The following PTPRD variants were observed in gnomAD, a reference collection of about 807,000 sequenced individuals.
PTPRD encodes protein tyrosine phosphatase receptor type D.
Under a neutral mutation model 214.5 loss-of-function variants are expected in PTPRD, and 34 were observed. That is an observed-to-expected ratio of 0.16 (90% CI 0.12 to 0.21). The LOEUF is 0.21. Among genes scored for constraint, PTPRD ranks in the 10% least tolerant of loss-of-function variants. The probability of loss-of-function intolerance (pLI) is 1.00; values close to 1 mark genes in which losing one functional copy is unlikely to be tolerated. For missense variants in PTPRD, 2,545 were observed against 2,398.7 expected, an observed-to-expected ratio of 1.06 and a Z score of -1.27; for synonymous variants, 1,128 against 845.7, an observed-to-expected ratio of 1.33 and a Z score of -5.79.
intron 8 of PTPRD, among the ~76,000 whole-genome samples, chr9:9,551,896 T>C (rs910372687): frequency 2.0e-5 from 3 of 151,858 alleles, no homozygotes; most frequent in African/African-American, 7.3e-5. Context: ...CTCAGTGAGT[T>C]TGAATTAAAG....
In PTPRD at chr9:10,612,449, C is replaced by G. The variant is rs1217700361; in HGVS notation, c.-651G>C. ...GAAACCCTGAGGAGTCTTCTCTTTTCTTTCCTACCAGTCAAATAAAGAATT... is the reference window on the plus strand; with the variant it reads ...GAAACCCTGAGGAGTCTTCTCTTTTGTTTCCTACCAGTCAAATAAAGAATT... On this transcript the variant is annotated 5_prime_UTR_variant, in exon 2 of 46. Transcript: ENST00000381196. 6.6e-6 allele frequency: 1 copy of G among 152,292 alleles called. No individual in the cohort carries two copies. The highest frequency in any genetic ancestry group is 1.9e-4 in the East Asian group (1 of 5,178). 9.4% of individuals were successfully genotyped at this position (152,292 alleles called of 1,614,324 possible).
At chr9:9,009,562 G>A (rs2099499256) in intron 11 of PTPRD, among the ~76,000 whole-genome samples, 2 of 151,874 alleles carry the variant, frequency 1.3e-5, no homozygotes, top group South Asian at 4.1e-4. Context: ...TAAGAAGCAA[G>A]TTGGTATGGA....
chr9:10,464,233 A>G (rs948534053), intron 2 of PTPRD, among the ~76,000 whole-genome samples: 10 of 152,188 alleles, frequency 6.6e-5, no homozygotes, highest in African/African-American at 2.4e-4. Context: ...CCCCATCTCT[A>G]CTAAAAAAAA....
intron 4 of PTPRD, among the ~76,000 whole-genome samples, chr9:9,959,474 A>G (rs1027558435): frequency 6.6e-6 from 1 of 152,174 alleles, no homozygotes; most frequent in African/African-American, 2.4e-5. Flanking sequence ...TACAGCACAG[A>G]GTAAAACTTA....
chr9:9,414,408 A>C (rs752016560), intron 8 of PTPRD, among the ~76,000 whole-genome samples: 5 of 152,216 alleles, frequency 3.3e-5, no homozygotes, highest in Admixed American at 6.5e-5. Context: ...TACTGAGTAG[A>C]ATGAGTAGCA....
chr9:10,313,746 T>A (rs895202510), intron 3 of PTPRD, among the ~76,000 whole-genome samples: 3 of 152,070 alleles, frequency 2.0e-5, no homozygotes, highest in African/African-American at 7.2e-5. Context: ...AATTTCACTG[T>A]GTGTTGAATT....
At chr9:8,944,242 C>T (rs1432974337) in intron 11 of PTPRD, among the ~76,000 whole-genome samples, 2 of 152,030 alleles carry the variant, frequency 1.3e-5, no homozygotes, top group African/African-American at 2.4e-5. Context: ...ATCCAAAATA[C>T]AGGCAATAGT....
At chr9:8,632,269 G>A (rs2096277787) in intron 14 of PTPRD, among the ~76,000 whole-genome samples, 2 of 151,604 alleles carry the variant, frequency 1.3e-5, no homozygotes, top group Non-Finnish European at 2.9e-5. Flanking sequence ...CTCCTTGAAA[G>A]AAACCAAGAT....
chr9:9,470,689 T>C (rs2146469720), intron 8 of PTPRD, among the ~76,000 whole-genome samples: 1 of 152,304 alleles, frequency 6.6e-6, no homozygotes, highest in East Asian at 1.9e-4. Flanking sequence ...CTACATTCTC[T>C]ACTACCTTAA....
intron 3 of PTPRD, among the ~76,000 whole-genome samples, chr9:10,300,408 C>G (rs2095825470): frequency 6.6e-6 from 1 of 152,154 alleles, no homozygotes; most frequent in South Asian, 2.1e-4. Context: ...GCCAGCAAGA[C>G]AGAACCATTC....
intron 22 of PTPRD, among the ~76,000 whole-genome samples, chr9:8,505,142 A>G (rs968145634): frequency 3.9e-5 from 6 of 152,336 alleles, no homozygotes; most frequent in Admixed American, 6.5e-5. Flanking sequence ...ATCAAATGCT[A>G]TAACTCTCAC....
At chr9:10,488,938 G>A (rs1358532988) in intron 2 of PTPRD, among the ~76,000 whole-genome samples, 1 of 152,072 alleles carries the variant, frequency 6.6e-6, no homozygotes, top group Non-Finnish European at 1.5e-5. Context: ...GTGTCCGCTT[G>A]GTGCTCTACC....
intron 8 of PTPRD, among the ~76,000 whole-genome samples, chr9:9,440,483 T>C (rs1385372738): frequency 2.0e-5 from 3 of 152,110 alleles, no homozygotes; most frequent in East Asian, 1.9e-4. Flanking sequence ...GGAGAGTCAA[T>C]AGAATTTGCA....
chr9:10,511,569 AT>A (rs66768632), intron 2 of PTPRD, among the ~76,000 whole-genome samples: 19,847 of 127,716 alleles, frequency 0.16, 1,742 homozygotes, highest in Non-Finnish European at 0.18. Context: ...ACACCCTGGT[AT>A]TTTTTTTTTT....
At chr9:8,764,508 G>T (rs1376343556) in intron 11 of PTPRD, among the ~76,000 whole-genome samples, 1 of 152,020 alleles carries the variant, frequency 6.6e-6, no homozygotes, top group Non-Finnish European at 1.5e-5. Flanking sequence ...TAAAGAATGG[G>T]TTATTTGAGC....
intron 8 of PTPRD, among the ~76,000 whole-genome samples, chr9:9,400,901 C>T (rs556451234): frequency 1.3e-5 from 2 of 151,972 alleles, no homozygotes; most frequent in South Asian, 2.1e-4. Flanking sequence ...TCTCCATATT[C>T]GACCATTTAA....
At chr9:8,509,820 C>T (rs1304185268) in intron 21 of PTPRD, among the ~76,000 whole-genome samples, 7 of 152,102 alleles carry the variant, frequency 4.6e-5, no homozygotes, top group Non-Finnish European at 1.0e-4. Context: ...GTAGGCACAT[C>T]CAAGTCTCAG....
chr9:10,332,234 T>C (rs1597322855), intron 3 of PTPRD, among the ~76,000 whole-genome samples: 3 of 151,984 alleles, frequency 2.0e-5, no homozygotes, highest in South Asian at 2.1e-4. Context: ...CAGAAGTTAA[T>C]ATACCATAAA....
At chr9:10,284,886 T>A (rs2095291434) in intron 3 of PTPRD, among the ~76,000 whole-genome samples, 1 of 152,152 alleles carries the variant, frequency 6.6e-6, no homozygotes, top group Non-Finnish European at 1.5e-5. Context: ...TGTAAGGAAT[T>A]GAGATTCATC....
Sources: allele counts gnomAD v4.1 joint callset (sites outside exome capture counted in the v4.1 genomes callset), GRCh38; gene constraint gnomAD v4.1.1; transcripts MANE v1.5; gene names NCBI Gene and HGNC (gene_info 2026-07-23, HGNC 2026-07-21).